Variants in TTN observed in about 807,000 individuals in gnomAD.
TTN encodes titin, also known as connectin.
A neutral mutation model predicts 3,223.0 loss-of-function variants in TTN; 1,525 were observed. That is an observed-to-expected ratio of 0.47 (90% confidence interval 0.45 to 0.49). TTN has a LOEUF of 0.49. Ranked by LOEUF, TTN falls within the 20% of genes least tolerant of loss-of-function variation. The pLI, the probability that TTN is intolerant of heterozygous loss-of-function variation, is 0.00. For synonymous variants in TTN, 14,094 were observed against 15,161.0 expected (o/e 0.93, Z 5.17); for missense variants, 40,786 against 43,424.0 (o/e 0.94, Z 5.40).
intron 308 of TTN, 57 bp downstream of exon 308, chr2:178,586,448 A>G: frequency 1.3e-6 from 2 of 1,582,630 alleles, no homozygotes; most frequent in South Asian, 2.3e-5. Context: ...TCTACATATA[A>G]AAGAAGAAAT....
rs1037901670 is a variant in TTN at position 178,613,193 on chromosome 2, G to A, written c.49616C>T (p.Ser16539Leu). 1.2e-6 allele frequency: 2 copies of A among 1,611,074 alleles called. No individual in the cohort carries two copies. Among genetic ancestry groups the A allele is most frequent in the African/African-American group, 1.3e-5 (1 of 74,868 alleles). Residue 16539 changes from serine to leucine, a missense_variant, in exon 264 of 363, where the codon TCA (serine) becomes TTA (leucine). Coordinates refer to ENST00000589042, the MANE Select transcript of TTN (RefSeq NM_001267550.2). ...ATCCTTTATTAAGATTGGTTCAGTT[G>A]ATTTGCTTGGTTTTCCAGGTCCAGC... ...NLAGPGKPSK[S>L]TEPILIKDPI...
chr2:178,562,213 A>T lies in TTN; in HGVS notation c.83919T>A (p.Asn27973Lys). Residue 27973 changes from asparagine to lysine, a missense_variant, in exon 326 of 363, where the codon AAT (asparagine) becomes AAA (lysine). Asn to Lys is a moderately conservative substitution (Grantham distance 94). Coordinates refer to ENST00000589042, the MANE Select transcript of TTN (RefSeq NM_001267550.2). ...TCTTAAGTTGTTCTCTAGCCTTTAC[A>T]TTGAAAGTATGGAAAGGAAGCTCAA... ...PSVELPFHTFNVKAREQLKID... is the reference protein window; with the variant it reads ...PSVELPFHTFKVKAREQLKID... The T allele has an allele frequency of 6.2e-7, 1 of 1,612,634 alleles. No individual in the cohort carries two copies. The highest frequency in any genetic ancestry group is 8.5e-7 in the Non-Finnish European group (1 of 1,179,376).
chr2:178,739,789 A>G lies in TTN; in HGVS notation c.13444T>C (p.Tyr4482His). 6.2e-7 allele frequency: 1 copy of G among 1,613,820 alleles called. No individual in the cohort carries two copies. The highest frequency in any genetic ancestry group is 8.5e-7 in the Non-Finnish European group (1 of 1,179,814). The change falls in exon 48 of 363, where the codon TAT (tyrosine) becomes CAT (histidine). Residue 4482 changes from tyrosine (Y) to histidine (H), a missense_variant. By Grantham distance (83) the Tyr-to-His change is moderately conservative. Transcript: ENST00000589042. ...GCTGTTAGGATGTCTATTTCCTCATATATAATAGCACACAAAGCATCCCTA... is the reference window on the plus strand; with the variant it reads ...GCTGTTAGGATGTCTATTTCCTCATGTATAATAGCACACAAAGCATCCCTA... The part of the protein sequence containing the change: ...ELRDALCAII[Y>H]EEIDILTAEG...
At chr2:178,771,120 G>T (rs973843705) in intron 34 of TTN, 91 bp downstream of exon 34, 41 of 1,574,000 alleles carry the variant, frequency 2.6e-5, no homozygotes, top group African/African-American at 4.1e-5. Flanking sequence ...AAAATTTATG[G>T]TATCCAAAAT....
chr2:178,728,290 C>A lies in TTN; in HGVS notation c.19534G>T (p.Ala6512Ser), dbSNP rs2079716781. The A allele has an allele frequency of 1.2e-6, 2 of 1,613,204 alleles. No homozygotes were observed. The highest frequency in any genetic ancestry group is 1.7e-6 in the Non-Finnish European group (2 of 1,179,502). The change falls in exon 67 of 363, where the codon GCT becomes TCT. Residue 6512 changes from alanine (A) to serine (S), a missense_variant. By Grantham distance (99) the Ala-to-Ser change is moderately conservative (BLOSUM62 1). Coordinates refer to ENST00000589042, the MANE Select transcript of TTN (RefSeq NM_001267550.2). ...TCTTTTCCATCCTTAAACCACTGAGCACTAATGGGAAGTGAACCAGACACC... is the reference window on the plus strand; with the variant it reads ...TCTTTTCCATCCTTAAACCACTGAGAACTAATGGGAAGTGAACCAGACACC... ...CKVSGSLPIS[A>S]QWFKDGKEIS... is the part of the protein sequence containing the mutation.
Position 178,601,259 on chromosome 2 carries a change from G to A in TTN, c.55732+6C>T, listed in dbSNP as rs1559685993. On this transcript the variant is annotated splice_donor_region_variant and intron_variant, in intron 287 of 362. Coordinates refer to ENST00000589042, the MANE Select transcript of TTN (RefSeq NM_001267550.2). ...AGATATTTTAAATTTAGATTTTAAA[G>A]CTTACATATCGGATCTCTGGCAGTG... 2.0e-6 allele frequency: 3 copies of A among 1,529,962 alleles called. No homozygotes were observed. The highest frequency in any genetic ancestry group is 2.6e-6 in the Non-Finnish European group (3 of 1,143,264). The allele number at this position is 1,529,962 out of a possible 1,614,324, so 94.8% of individuals were successfully genotyped here.
chr2:178,789,869 G>T, intron 12 of TTN, 109 bp downstream of exon 12: 1 of 1,453,064 alleles, frequency 6.9e-7, no homozygotes. Context: ...TTTAGTTAGG[G>T]ATTTTAAAAG....
Position 178,533,810 on chromosome 2 carries a change from C to G in TTN, c.102805G>C (p.Ala34269Pro), listed in dbSNP as rs1690251007. Reference protein sequence around the residue: ...EFTLPLYNKTAYVGENVRFGV... With the variant: ...EFTLPLYNKTPYVGENVRFGV... Reference sequence around the variant, plus strand: ...AACCGGACATTTTCACCTACATAAGCTGTCTTATTATAGAGAGGCAGGGTA... The same window carrying G: ...AACCGGACATTTTCACCTACATAAGGTGTCTTATTATAGAGAGGCAGGGTA... The change falls in exon 358 of 363, where the codon GCT becomes CCT. Residue 34269 changes from alanine (A) to proline (P), a missense_variant. Transcript: ENST00000589042. 1 of 1,613,880 alleles carries G rather than the reference C, an allele frequency of 6.2e-7. No individual in the cohort carries two copies. The highest frequency in any genetic ancestry group is 1.3e-5 in the African/African-American group (1 of 74,934).
At chr2:178,586,424 C>T in intron 308 of TTN, 81 bp downstream of exon 308, 2 of 1,532,516 alleles carry the variant, frequency 1.3e-6, no homozygotes, top group South Asian at 1.2e-5. Flanking sequence ...AGCTAGATTC[C>T]TCAGGGAGAA....
intron 47 of TTN, chr2:178,751,927 T>C (rs1326990130): frequency 1.3e-6 from 2 of 1,589,106 alleles, no homozygotes; most frequent in South Asian, 2.3e-5. Context: ...TAGATGATAT[T>C]CTACTTGCAT....
chr2:178,605,687 T>G lies in TTN; in HGVS notation c.53608A>C (p.Thr17870Pro). The G allele has an allele frequency of 6.3e-7, 1 of 1,582,790 alleles. No homozygotes were observed. Among genetic ancestry groups the G allele is most frequent in the Non-Finnish European group, 8.6e-7 (1 of 1,161,748 alleles). ...LGPPTSPERL[T>P]YTERTKSTIT... ...GTGGACTTTGTCCTTTCAGTGTATG[T>G]GAGCCTCTCTGGAGATGTTGGAGGA... The change falls in exon 279 of 363, where the codon ACA becomes CCA. Residue 17870 changes from threonine (T) to proline (P), a missense_variant. Transcript: ENST00000589042.
At position 178,617,441 on chromosome 2, in the gene TTN, G is replaced by A. The variant is rs1165988992; in HGVS notation, c.47644C>T (p.Pro15882Ser). The change falls in exon 254 of 363, where the codon CCT becomes TCT. Residue 15882 changes from proline (P) to serine (S), a missense_variant. Physicochemically the swap from Pro to Ser is moderately conservative, Grantham distance 74. Coordinates refer to ENST00000589042, the MANE Select transcript of TTN (RefSeq NM_001267550.2). ...TQSSVQLKWEPPLKDGGSPIL... is the reference protein window; with the variant it reads ...TQSSVQLKWESPLKDGGSPIL... ...GGGCTTCCTCCATCTTTCAGAGGAGGTTCCCATTTGAGCTGAACTGATGAC... is the reference window on the plus strand; with the variant it reads ...GGGCTTCCTCCATCTTTCAGAGGAGATTCCCATTTGAGCTGAACTGATGAC... The A allele has an allele frequency of 3.1e-6, 5 of 1,597,298 alleles. No individual in the cohort carries two copies. The highest frequency in any genetic ancestry group is 1.2e-5 in the South Asian group (1 of 86,756).
Position 178,634,573 on chromosome 2 carries a change from G to T in TTN, c.42208C>A (p.Gln14070Lys). 6.2e-7 allele frequency: 1 copy of T among 1,613,334 alleles called. No individual in the cohort carries two copies. The highest frequency in any genetic ancestry group is 1.7e-5 in the Admixed American group (1 of 59,982). The change falls in exon 230 of 363, where the codon CAG becomes AAG. Residue 14070 changes from glutamine (Q) to lysine (K), a missense_variant. Transcript: ENST00000589042. This position sits in a 1 kb window ranked among gnomAD's most constrained non-coding sequence, Gnocchi z 4.6. ...LKDVTVPERR[Q>K]ARFECVLTRE... ...GTGAGGACACATTCGAATCGAGCCT[G>T]TCGCCTTTCTGGAACAGTGACATCC... is the stretch of plus-strand genomic sequence containing the variant.
rs144330952 is a variant in TTN, at chr2:178,750,196, G to A, written c.11311+2928C>T. The stretch of plus-strand genomic sequence containing the variant: ...CCTCTTGACTCATAGATGGATGGGC[G>A]CCTTTTGCTTGGTCAAACACCAATG... On this transcript the variant is annotated intron_variant, in intron 47 of 362. Coordinates refer to ENST00000589042, the MANE Select transcript of TTN (RefSeq NM_001267550.2). The A allele has an allele frequency of 6.8e-5, 109 of 1,613,082 alleles. No homozygotes were observed. The African/African-American group carries it at 6.9e-4, about 10-fold the overall frequency.
chr2:178,645,959 G>A lies in TTN; in HGVS notation c.40369C>T (p.Pro13457Ser), dbSNP rs1576867035. ...PRPPPPPPAP[P>S]KEDVKEKIFQ... The stretch of plus-strand genomic sequence containing the variant: ...ATTTTCTCCTTCACATCTTCCTTAG[G>A]TGGAGCAGGTGGAGGAGGTGGGGGT... Residue 13457 changes from proline to serine, a missense_variant, in exon 217 of 363, where the codon CCT (proline) becomes TCT (serine). Physicochemically the swap from Pro to Ser is moderately conservative, Grantham distance 74. Transcript: ENST00000589042. The A allele has an allele frequency of 1.3e-6, 2 of 1,588,472 alleles. No homozygotes were observed. Among genetic ancestry groups the A allele is most frequent in the East Asian group, 2.3e-5 (1 of 43,382 alleles).
chr2:178,533,739 A>G lies in TTN; in HGVS notation c.102876T>C (p.Tyr34292=), dbSNP rs2154135371. The change falls in exon 358 of 363, where the codon TAT becomes TAC. Residue 34292 remains tyrosine, a synonymous_variant. Coordinates refer to ENST00000589042, the MANE Select transcript of TTN (RefSeq NM_001267550.2). ...CTGGTTTGATTTTCTGACCTGATTTATACCATGTTACATGAGGCTCTGGGT... is the reference window on the plus strand; with the variant it reads ...CTGGTTTGATTTTCTGACCTGATTTGTACCATGTTACATGAGGCTCTGGGT... ...TVHPEPHVTW[Y]KSGQKIKPGD... 6.2e-7 allele frequency: 1 copy of G among 1,613,926 alleles called. No homozygotes were observed. Among genetic ancestry groups the G allele is most frequent in the Non-Finnish European group, 8.5e-7 (1 of 1,179,868 alleles).
rs1228797651 is a variant in TTN at position 178,651,457 on chromosome 2, A to G, written c.39543T>C (p.Ala13181=). The G allele has an allele frequency of 6.2e-7, 1 of 1,609,978 alleles. No individual in the cohort carries two copies. The highest frequency in any genetic ancestry group is 1.7e-5 in the Admixed American group (1 of 59,020). Residue 13181 remains alanine, a synonymous_variant, in exon 207 of 363, where the codon GCT becomes GCC. Coordinates refer to ENST00000589042, the MANE Select transcript of TTN (RefSeq NM_001267550.2). The stretch of plus-strand genomic sequence containing the variant: ...ACAGTGGACAGCCACATATACCTTT[A>G]GCAGGTGGGGCTTCTGGCTTTTTGG... ...VVPKKPEAPP[A]KVPEVPKEVV...
At position 178,804,597 on chromosome 2, in the gene TTN, C is replaced by T. The variant is rs756212082; in HGVS notation, c.46G>A (p.Val16Met). ...GTTGCGGTACTACCCTCCAGTACCA[C>T]AACGCTTTGTAACGGCTGCGTAAAC... ...PTFTQPLQSV[V>M]VLEGSTATFE... The change falls in exon 2 of 363, where the codon GTG (valine) becomes ATG (methionine). Residue 16 changes from valine to methionine, a missense_variant. Coordinates refer to ENST00000589042, the MANE Select transcript of TTN (RefSeq NM_001267550.2). The T allele has an allele frequency of 2.0e-5, 33 of 1,613,916 alleles. No homozygotes were observed. The highest frequency in any genetic ancestry group is 2.5e-5 in the Non-Finnish European group (30 of 1,179,962).
chr2:178,604,978 G>A lies in TTN; in HGVS notation c.54190+9C>T. ...ATGCCTTTTTGATGTAAGAAAGCAA[G>A]TCACTTACCATATACTTCAACGTGA... On this transcript the variant is annotated intron_variant, in intron 280 of 362. Coordinates refer to ENST00000589042, the MANE Select transcript of TTN (RefSeq NM_001267550.2). The A allele has an allele frequency of 6.3e-7, 1 of 1,589,292 alleles. No homozygotes were observed. Among genetic ancestry groups the A allele is most frequent in the South Asian group, 1.1e-5 (1 of 87,234 alleles).
Sources: gnomAD v4.1 joint callset for allele counts on GRCh38, gnomAD v4.1.1 for gene constraint, Gnocchi (gnomAD v3.1) non-coding constraint, MANE v1.5 for transcripts, NCBI Gene and HGNC (gene_info 2026-07-23, HGNC 2026-07-21) for gene names.